Variants in VIPR2 observed in about 807,000 individuals in gnomAD.
The protein encoded by VIPR2 is vasoactive intestinal peptide receptor 2, also known as vasoactive intestinal polypeptide receptor 2.
In VIPR2, 48 loss-of-function variants were observed where a neutral mutation model predicts 58.0. The observed-to-expected ratio is 0.83, with a 90% confidence interval of 0.66 to 1.05. The LOEUF (loss-of-function observed/expected upper bound fraction) is 1.05. VIPR2 is among the 50% of genes least tolerant of loss of function. VIPR2 has a pLI of 0.00. For synonymous variants in VIPR2, 243 were observed against 235.2 expected, an observed-to-expected ratio of 1.03 and a Z score of -0.30; for missense variants, 534 against 558.0, an observed-to-expected ratio of 0.96 and a Z score of 0.43.
chr7:159,130,698 G>A (rs1234600956), intron 2 of VIPR2, among the ~76,000 whole-genome samples: 3 of 152,196 alleles, frequency 2.0e-5, no homozygotes, highest in African/African-American at 7.2e-5. Flanking sequence ...TCTCCCACAT[G>A]GCGTGGCCGG....
intron 2 of VIPR2, among the ~76,000 whole-genome samples, chr7:159,142,017 C>T (rs190354311): frequency 6.8e-6 from 1 of 148,120 alleles, no homozygotes; most frequent in East Asian, 1.9e-4. Context: ...AACCAAAGTC[C>T]CATTTTCCTG....
chr7:159,144,558 C>G (rs1797614065), intron 1 of VIPR2, 163 bp downstream of exon 1: 1 of 1,457,160 alleles, frequency 6.9e-7, no homozygotes, highest in Admixed American at 2.4e-5. Context: ...TCACGCTCTC[C>G]GGGAGGAAGC....
At chr7:159,101,680 G>A (rs373808146) in intron 4 of VIPR2, among the ~76,000 whole-genome samples, 2,575 of 139,806 alleles carry the variant, frequency 0.018, 20 homozygotes, top group East Asian at 0.067. Context: ...GGTAGTGAAC[G>A]GGTCTCACGA....
At chr7:159,080,627 G>T (rs945970011) in intron 4 of VIPR2, among the ~76,000 whole-genome samples, 3 of 152,188 alleles carry the variant, frequency 2.0e-5, no homozygotes, top group African/African-American at 4.8e-5. Context: ...GGGCAATCAG[G>T]CAGGAGAAGG....
chr7:159,134,253 C>T (rs891174783), intron 2 of VIPR2, among the ~76,000 whole-genome samples: 2 of 152,002 alleles, frequency 1.3e-5, no homozygotes, highest in African/African-American at 4.8e-5. Context: ...TCATGTACTT[C>T]CTAATTCACA....
In VIPR2 at chr7:159,032,031, C is replaced by T. The variant is rs1467513121; in HGVS notation, c.1008G>A (p.Leu336=). The T allele has an allele frequency of 6.2e-7, 1 of 1,614,102 alleles. No individual in the cohort carries two copies. Among genetic ancestry groups the T allele is most frequent in the South Asian group, 1.1e-5 (1 of 91,090 alleles). The change falls in exon 11 of 13, where the codon CTG becomes CTA. Residue 336 remains leucine (L), a synonymous_variant. Coordinates refer to ENST00000262178, the MANE Select transcript of VIPR2 (RefSeq NM_003382.5). ...CAAACACCATGTAGTGGACGCCGAA[C>T]AGCGGGATAAGCAGGAGCGTGGACT... ...LAKSTLLLIP[L]FGVHYMVFAV...
Position 159,031,763 on chromosome 7 carries a change from G to A in VIPR2, c.1143+65C>T. The A allele has an allele frequency of 6.2e-7, 1 of 1,612,114 alleles. No individual in the cohort carries two copies. Among genetic ancestry groups the A allele is most frequent in the Non-Finnish European group, 8.5e-7 (1 of 1,179,776 alleles). On this transcript the variant is annotated intron_variant, in intron 12 of 12. Transcript: ENST00000262178. This position sits in a 1 kb window ranked among gnomAD's most constrained non-coding sequence, Gnocchi z 4.0. ...GCATGTGTGGGGGCTGCGGCACCAGGCTGGGCAGCATCTCAGGAAGCAAGT... is the reference window on the plus strand; with the variant it reads ...GCATGTGTGGGGGCTGCGGCACCAGACTGGGCAGCATCTCAGGAAGCAAGT...
chr7:159,124,733 C>A (rs941943002), intron 2 of VIPR2, among the ~76,000 whole-genome samples: 3 of 152,132 alleles, frequency 2.0e-5, no homozygotes. Flanking sequence ...GGCAGTATGG[C>A]CATTTTAATG....
chr7:159,035,630 A>G (rs1249239959), intron 8 of VIPR2: 40 of 956,838 alleles, frequency 4.2e-5, no homozygotes, highest in Non-Finnish European at 4.6e-5. Context: ...CGGGTAAACA[A>G]CATGCAGGGC....
chr7:159,130,786 T>C (rs1796879996), intron 2 of VIPR2, among the ~76,000 whole-genome samples: 1 of 152,228 alleles, frequency 6.6e-6, no homozygotes, highest in Non-Finnish European at 1.5e-5. Flanking sequence ...GAAGAACCCA[T>C]CAGGTGGTTA....
rs926223851 is a variant in VIPR2, at chr7:159,095,560, T to G, written c.357+8197A>C. On this transcript the variant is annotated intron_variant, in intron 4 of 12. Coordinates refer to ENST00000262178, the MANE Select transcript of VIPR2 (RefSeq NM_003382.5). The surrounding 1 kb of genome is among the most constrained non-coding windows in gnomAD (Gnocchi z 5.2). ...TTTTTAGTACTTAAAATTTGATTTT[T>G]GTAAATATAAAACCAATATATTCTT... 1.2e-4 allele frequency among the ~76,000 whole-genome samples: 19 copies of G among 152,246 alleles called. No homozygotes were observed. The highest frequency in any genetic ancestry group is 4.3e-4 in the African/African-American group (18 of 41,466).
At chr7:159,131,356 A>T (rs1209257020) in intron 2 of VIPR2, among the ~76,000 whole-genome samples, 2 of 152,322 alleles carry the variant, frequency 1.3e-5, no homozygotes, top group Admixed American at 1.3e-4. Flanking sequence ...TGTCAATTAC[A>T]AGCTTGTCTT....
At chr7:159,108,964 G>T (rs1795883063) in intron 3 of VIPR2, among the ~76,000 whole-genome samples, 2 of 152,198 alleles carry the variant, frequency 1.3e-5, no homozygotes, top group South Asian at 4.1e-4. Flanking sequence ...GGGTGAGAAA[G>T]TCAAAATCTT....
intron 5 of VIPR2, among the ~76,000 whole-genome samples, chr7:159,057,003 G>A (rs1327184806): frequency 6.6e-6 from 1 of 152,192 alleles, no homozygotes; most frequent in Non-Finnish European, 1.5e-5. Flanking sequence ...GGAGGGGTGT[G>A]TTCTGTGCCC....
chr7:159,031,366 C>G lies in VIPR2; in HGVS notation c.1143+462G>C. 4.3e-6 allele frequency: 4 copies of G among 934,954 alleles called. No homozygotes were observed. Among genetic ancestry groups the G allele is most frequent in the Non-Finnish European group, 5.1e-6 (4 of 783,900 alleles). 57.9% of individuals were successfully genotyped at this position (934,954 alleles called of 1,614,324 possible). ...GGACGGGGCCAGGCCGTTGGAGCAG[C>G]CCGGAGACAGCCTCCCTGGCTGGGA... On this transcript the variant is annotated intron_variant, in intron 12 of 12. Coordinates refer to ENST00000262178, the MANE Select transcript of VIPR2 (RefSeq NM_003382.5). This position sits in a 1 kb window ranked among gnomAD's most constrained non-coding sequence, Gnocchi z 4.0.
chr7:159,080,869 T>C (rs1856866827), intron 4 of VIPR2, among the ~76,000 whole-genome samples: 1 of 152,100 alleles, frequency 6.6e-6, no homozygotes, highest in Non-Finnish European at 1.5e-5. Context: ...CAGTCACAAT[T>C]GCTTCAAAGA....
At chr7:159,042,092 A>G (rs895861396) in intron 6 of VIPR2, among the ~76,000 whole-genome samples, 2 of 152,240 alleles carry the variant, frequency 1.3e-5, no homozygotes, top group Admixed American at 6.5e-5. Context: ...ATGATGGGCT[A>G]TGAAAAAGCT....
At position 159,029,507 on chromosome 7, in the gene VIPR2, T is replaced by C. The variant is rs1853415729; in HGVS notation, c.*1109A>G. 1 of 152,234 alleles carries C rather than the reference T, an allele frequency of 6.6e-6. No homozygotes were observed. Among genetic ancestry groups the C allele is most frequent in the Non-Finnish European group, 1.5e-5 (1 of 68,050 alleles). The allele number at this position is 152,234 out of a possible 1,614,324, so 9.4% of individuals were successfully genotyped here. On this transcript the variant is annotated 3_prime_UTR_variant, in exon 13 of 13. Transcript: ENST00000262178. The stretch of plus-strand genomic sequence containing the variant: ...TTATATGTTGTTAAAATAATTCTTA[T>C]CCTAAGATTATTTTTGTTAAAAAGA...
chr7:159,101,226 C>T (rs576337925), intron 4 of VIPR2, among the ~76,000 whole-genome samples: 75 of 144,532 alleles, frequency 5.2e-4, no homozygotes, highest in Admixed American at 3.0e-3. Flanking sequence ...GCCGTTCCCC[C>T]GACTGTTCCT....
Sources: allele counts gnomAD v4.1 joint callset (sites outside exome capture counted in the v4.1 genomes callset), GRCh38; gene constraint gnomAD v4.1.1; non-coding constraint Gnocchi (gnomAD v3.1); transcripts MANE v1.5; gene names NCBI Gene and HGNC (gene_info 2026-07-23, HGNC 2026-07-21).